Variants in MOCOS observed in about 807,000 individuals in gnomAD.
The protein encoded by MOCOS is molybdenum cofactor sulfurase.
Under a neutral mutation model 83.6 loss-of-function variants are expected in MOCOS, and 86 were observed. The observed-to-expected ratio is 1.03, with a 90% CI of 0.86 to 1.23. The LOEUF is 1.23. MOCOS is among the 50% of genes most tolerant of loss of function. The pLI, the probability that MOCOS is intolerant of heterozygous loss-of-function variation, is 0.00. For synonymous variants in MOCOS, 445 were observed against 434.7 expected, an observed-to-expected ratio of 1.02 and a Z score of -0.29; for missense variants, 1,120 against 1,126.9, an observed-to-expected ratio of 0.99 and a Z score of 0.09.
intron 9 of MOCOS, among the ~76,000 whole-genome samples, chr18:36,245,696 C>A (rs912461527): frequency 6.6e-6 from 1 of 152,106 alleles, no homozygotes; most frequent in Non-Finnish European, 1.5e-5. Context: ...AGAAGTTTTC[C>A]TTGATTATTC....
chr18:36,231,236 A>G (rs972922705), intron 9 of MOCOS, among the ~76,000 whole-genome samples: 4 of 152,162 alleles, frequency 2.6e-5, no homozygotes, highest in African/African-American at 9.7e-5. Context: ...TAGATTGTCT[A>G]TAACTGAGCT....
At chr18:36,203,322 T>G (rs1374174558) in intron 5 of MOCOS, 133 bp downstream of exon 5, 5 of 855,734 alleles carry the variant, frequency 5.8e-6, no homozygotes, top group South Asian at 4.2e-5. Flanking sequence ...TAAATTTGAT[T>G]CCTAGTAACT....
intron 7 of MOCOS, among the ~76,000 whole-genome samples, chr18:36,215,200 G>A (rs2091471127): frequency 6.6e-6 from 1 of 152,200 alleles, no homozygotes; most frequent in Non-Finnish European, 1.5e-5. Flanking sequence ...CTTAGTCTGT[G>A]TTTTGACACC....
intron 9 of MOCOS, among the ~76,000 whole-genome samples, chr18:36,228,423 A>G (rs1408170977): frequency 3.9e-5 from 6 of 152,220 alleles, no homozygotes; most frequent in Non-Finnish European, 8.8e-5. Flanking sequence ...AGGACATGGA[A>G]TCAACTTAAA....
In MOCOS at chr18:36,220,139, C is replaced by A. The variant is rs761954346; in HGVS notation, c.1882C>A (p.Gln628Lys). 4 of 1,614,116 alleles carry A rather than the reference C, an allele frequency of 2.5e-6. No homozygotes were observed. The highest frequency in any genetic ancestry group is 1.7e-5 in the Admixed American group (1 of 60,006). ...GAATCACAATGGTGTTTGCCTGAGT[C>A]AGAAGCAGGAACCCCGGCTCTGCCT... ...VVNHNGVCLSQKQEPRLCLIQ... is the reference protein window; with the variant it reads ...VVNHNGVCLSKKQEPRLCLIQ... The change falls in exon 9 of 15, where the codon CAG (glutamine) becomes AAG (lysine). Residue 628 changes from glutamine (Q) to lysine (K), a missense_variant. Coordinates refer to ENST00000261326, the MANE Select transcript of MOCOS (RefSeq NM_017947.4).
In MOCOS at chr18:36,205,227, T is replaced by C; in HGVS notation, c.1169T>C (p.Ile390Thr). 1 of 1,614,040 alleles carries C rather than the reference T, an allele frequency of 6.2e-7. No individual in the cohort carries two copies. The highest frequency in any genetic ancestry group is 8.5e-7 in the Non-Finnish European group (1 of 1,180,026). ...AGCCCTGAGGTTCAGGGCCCAATCATCAATTTTAATGTGCTGGATGACAAA... is the reference window on the plus strand; with the variant it reads ...AGCCCTGAGGTTCAGGGCCCAATCACCAATTTTAATGTGCTGGATGACAAA... ...FSSPEVQGPI[I>T]NFNVLDDKGN... Residue 390 changes from isoleucine (I) to threonine (T), a missense_variant, in exon 6 of 15, where the codon ATC (isoleucine) becomes ACC (threonine). Ile to Thr is a moderately conservative substitution (Grantham distance 89). Transcript: ENST00000261326.
chr18:36,200,269 T>C lies in MOCOS; in HGVS notation c.886T>C (p.Ser296Pro). ...GACCTACTTTGGAGGAGGGACAGCC[T>C]CTGCGTACCTAGCAGGAGAAGACTT... ...RKTYFGGGTA[S>P]AYLAGEDFYI... is the part of the protein sequence containing the mutation. Residue 296 changes from serine (S) to proline (P), a missense_variant, in exon 4 of 15, where the codon TCT becomes CCT. Ser to Pro is a moderately conservative substitution (Grantham distance 74). Transcript: ENST00000261326. The C allele has an allele frequency of 6.2e-7, 1 of 1,614,170 alleles. No homozygotes were observed. The highest frequency in any genetic ancestry group is 8.5e-7 in the Non-Finnish European group (1 of 1,180,026).
chr18:36,257,693 T>C (rs1039996506), intron 12 of MOCOS, among the ~76,000 whole-genome samples: 3 of 152,032 alleles, frequency 2.0e-5, no homozygotes, highest in African/African-American at 7.2e-5. Flanking sequence ...AGCCAGGCAA[T>C]GAGGAAAAAT....
chr18:36,210,707 T>C (rs1338158520), intron 6 of MOCOS, among the ~76,000 whole-genome samples: 1 of 151,176 alleles, frequency 6.6e-6, no homozygotes, highest in Non-Finnish European at 1.5e-5. Context: ...AAAAATTAGC[T>C]GGGCGTGGTG....
At chr18:36,224,016 G>A (rs892183271) in intron 9 of MOCOS, among the ~76,000 whole-genome samples, 1 of 151,990 alleles carries the variant, frequency 6.6e-6, no homozygotes, top group African/African-American at 2.4e-5. Flanking sequence ...TCATTTCTAG[G>A]TATTGTACTC....
chr18:36,217,790 A>T (rs1400053023), intron 8 of MOCOS, among the ~76,000 whole-genome samples: 1 of 152,174 alleles, frequency 6.6e-6, no homozygotes, highest in Non-Finnish European at 1.5e-5. Flanking sequence ...AGTGGAGGGG[A>T]TGTATGAAAC....
intron 9 of MOCOS, among the ~76,000 whole-genome samples, chr18:36,228,946 G>T (rs2091528117): frequency 6.6e-6 from 1 of 151,606 alleles, no homozygotes; most frequent in Non-Finnish European, 1.5e-5. Flanking sequence ...GGAATTACAA[G>T]CATTAGCCAT....
intron 7 of MOCOS, among the ~76,000 whole-genome samples, chr18:36,213,745 A>G (rs1040950872): frequency 2.0e-5 from 3 of 151,842 alleles, no homozygotes; most frequent in Admixed American, 6.6e-5. Flanking sequence ...CCTGGCCAAC[A>G]TGGTGAAACC....
chr18:36,226,191 A>T (rs373073419), intron 9 of MOCOS, among the ~76,000 whole-genome samples: 4 of 151,956 alleles, frequency 2.6e-5, no homozygotes, highest in African/African-American at 9.7e-5. Context: ...TTATGTATTT[A>T]GGTGCTCTGA....
At chr18:36,212,389 C>G (rs1232308019) in intron 6 of MOCOS, among the ~76,000 whole-genome samples, 2 of 151,796 alleles carry the variant, frequency 1.3e-5, no homozygotes, top group African/African-American at 4.8e-5. Context: ...GGGAGCTGGA[C>G]GGGGGTCGGG....
In MOCOS at chr18:36,266,762, G is replaced by C. The variant is rs551814242; in HGVS notation, c.2423G>C (p.Cys808Ser). 1 of 1,614,002 alleles carries C rather than the reference G, an allele frequency of 6.2e-7. No individual in the cohort carries two copies. The highest frequency in any genetic ancestry group is 8.5e-7 in the Non-Finnish European group (1 of 1,180,026). The change falls in exon 14 of 15, where the codon TGT becomes TCT. Residue 808 changes from cysteine (C) to serine (S), a missense_variant. Coordinates refer to ENST00000261326, the MANE Select transcript of MOCOS (RefSeq NM_017947.4). ...CTCACCTGCCAGGTTTTGGGGCCTTGTCACAGATGCCAGATGATTTGCATC... is the reference window on the plus strand; with the variant it reads ...CTCACCTGCCAGGTTTTGGGGCCTTCTCACAGATGCCAGATGATTTGCATC... ...GSLRFQVLGP[C>S]HRCQMICIDQ...
intron 2 of MOCOS, among the ~76,000 whole-genome samples, chr18:36,197,586 A>G (rs115428774): frequency 0.01 from 1,575 of 152,076 alleles, 29 homozygotes; most frequent in African/African-American, 0.036. Context: ...GCAACATAGC[A>G]AGAGCCTATC....
intron 10 of MOCOS, among the ~76,000 whole-genome samples, 192 bp from the exon 11 acceptor site, chr18:36,250,967 T>C (rs939969985): frequency 3.9e-5 from 6 of 152,218 alleles, no homozygotes; most frequent in African/African-American, 1.4e-4. Flanking sequence ...GTCTGAAAGC[T>C]TCACATAAGC....
chr18:36,261,220 C>G (rs1318003180), intron 13 of MOCOS, among the ~76,000 whole-genome samples: 1 of 152,082 alleles, frequency 6.6e-6, no homozygotes, highest in Admixed American at 6.5e-5. Flanking sequence ...ATCCAAAAAT[C>G]TGAAATCTGA....
Sources: allele counts gnomAD v4.1 joint callset (sites outside exome capture counted in the v4.1 genomes callset), GRCh38; gene constraint gnomAD v4.1.1; transcripts MANE v1.5; gene names NCBI Gene and HGNC (gene_info 2026-07-23, HGNC 2026-07-21).